The following ZNF236 variants were observed in gnomAD, a reference collection of about 807,000 sequenced individuals.
ZNF236 encodes zinc finger protein 236.
A neutral mutation model predicts 191.2 loss-of-function variants in ZNF236; 50 were observed. The ratio of observed to expected loss-of-function variants is 0.26; its 90% CI spans 0.21 to 0.33. The LOEUF is 0.33. ZNF236 is among the 10% of genes least tolerant of loss of function. ZNF236 has a pLI of 1.00. For missense variants in ZNF236, 1,754 were observed against 2,374.5 expected, an observed-to-expected ratio of 0.74 and a Z score of 5.43; for synonymous variants, 907 against 928.8, an observed-to-expected ratio of 0.98 and a Z score of 0.43.
At chr18:76,825,441 G>A (rs1173343714) in intron 1 of ZNF236, among the ~76,000 whole-genome samples, 3 of 151,942 alleles carry the variant, frequency 2.0e-5, no homozygotes, top group African/African-American at 4.9e-5. Context: ...ATCTTAGCAC[G>A]AATCTAGGTG....
At chr18:76,924,070 T>G (rs1476448984) in intron 21 of ZNF236, among the ~76,000 whole-genome samples, 2 of 152,234 alleles carry the variant, frequency 1.3e-5, no homozygotes, top group East Asian at 3.9e-4. Flanking sequence ...GATTCTTTTC[T>G]GATGGGTTAA....
chr18:76,854,328 A>C (rs1432229014), intron 3 of ZNF236, among the ~76,000 whole-genome samples: 1 of 152,218 alleles, frequency 6.6e-6, no homozygotes, highest in Admixed American at 6.5e-5. Context: ...TTTAAATACA[A>C]AAATAGGATT....
intron 1 of ZNF236, 107 bp from the exon 2 acceptor site, chr18:76,849,419 A>T: frequency 1.1e-6 from 1 of 876,684 alleles, no homozygotes; most frequent in Admixed American, 3.2e-5. Flanking sequence ...ATGTCACATA[A>T]ATCTCTGACA....
chr18:76,963,630 A>G (rs1450831441), intron 30 of ZNF236, among the ~76,000 whole-genome samples: 2 of 152,122 alleles, frequency 1.3e-5, no homozygotes, highest in East Asian at 1.9e-4. Flanking sequence ...GTCTTGTGGA[A>G]TAGTGTCAAA....
At chr18:76,913,567 A>G (rs1211273608) in intron 17 of ZNF236, among the ~76,000 whole-genome samples, 180 bp from the exon 18 acceptor site, 1 of 152,218 alleles carries the variant, frequency 6.6e-6, no homozygotes, top group African/African-American at 2.4e-5. Flanking sequence ...ATTGTTGGCA[A>G]TATTTTATAC....
chr18:76,908,864 A>C (rs1967132040), intron 14 of ZNF236, among the ~76,000 whole-genome samples: 1 of 152,158 alleles, frequency 6.6e-6, no homozygotes, highest in Admixed American at 6.5e-5. Flanking sequence ...AGTAGTTGAA[A>C]TTTTAGGACT....
At chr18:76,843,387 G>A (rs2122470499) in intron 1 of ZNF236, among the ~76,000 whole-genome samples, 1 of 152,282 alleles carries the variant, frequency 6.6e-6, no homozygotes, top group East Asian at 1.9e-4. Flanking sequence ...AGACACTTCA[G>A]AGTTTCACCT....
intron 10 of ZNF236, 105 bp downstream of exon 10, chr18:76,895,390 T>G: frequency 6.9e-7 from 1 of 1,453,056 alleles, no homozygotes; most frequent in Non-Finnish European, 9.3e-7. Context: ...GGCACACAGG[T>G]ACTGCACACA....
At chr18:76,892,088 A>G (rs1454855350) in intron 9 of ZNF236, among the ~76,000 whole-genome samples, 1 of 150,526 alleles carries the variant, frequency 6.6e-6, no homozygotes, top group Admixed American at 6.6e-5. Flanking sequence ...TGTAACTTAC[A>G]GTCTTTGTCC....
chr18:76,941,485 G>T (rs554666440), intron 26 of ZNF236, among the ~76,000 whole-genome samples: 1 of 152,088 alleles, frequency 6.6e-6, no homozygotes, highest in Non-Finnish European at 1.5e-5. Context: ...CGTTTGCCAC[G>T]CCCTCTCCCT....
chr18:76,842,532 A>C (rs1213972709), intron 1 of ZNF236, among the ~76,000 whole-genome samples: 2 of 151,562 alleles, frequency 1.3e-5, no homozygotes, highest in Non-Finnish European at 2.9e-5. Context: ...TGGGCAGCTC[A>C]GCTGAGGTAG....
chr18:76,862,229 C>T (rs376632232), intron 3 of ZNF236, among the ~76,000 whole-genome samples: 1 of 152,180 alleles, frequency 6.6e-6, no homozygotes, highest in African/African-American at 2.4e-5. Context: ...CTTCTGCCAA[C>T]AAGCGGAGAA....
chr18:76,905,371 A>G lies in ZNF236; in HGVS notation c.2253A>G (p.Thr751=), dbSNP rs755998920. 2.5e-6 allele frequency: 4 copies of G among 1,614,202 alleles called. No individual in the cohort carries two copies. The Admixed American group carries it at 5.0e-5, about 20-fold the overall frequency. ...RPYMCPYCQK[T]FKTSLNCKKH... ...ATATGTGTCCCTATTGCCAAAAAAC[A>G]TTTAAGACTTCACTAAATTGCAAAA... is the stretch of plus-strand genomic sequence containing the variant. Residue 751 remains threonine (T), a synonymous_variant, in exon 13 of 31, where the codon ACA becomes ACG. Coordinates refer to ENST00000320610, the MANE Select transcript of ZNF236 (RefSeq NM_001306089.2).
intron 19 of ZNF236, among the ~76,000 whole-genome samples, chr18:76,917,105 T>C (rs1030412353): frequency 3.9e-4 from 59 of 152,382 alleles, no homozygotes; most frequent in Admixed American, 4.6e-4. Context: ...CTCATTTCTT[T>C]AGTAGATAAT....
chr18:76,831,814 T>C (rs1975174977), intron 1 of ZNF236, among the ~76,000 whole-genome samples: 3 of 152,210 alleles, frequency 2.0e-5, no homozygotes, highest in Non-Finnish European at 2.9e-5. Flanking sequence ...TTGAGCATCT[T>C]CTCATAGGCT....
chr18:76,934,990 G>C (rs1967956216), intron 25 of ZNF236, among the ~76,000 whole-genome samples: 1 of 152,204 alleles, frequency 6.6e-6, no homozygotes, highest in Admixed American at 6.5e-5. Flanking sequence ...AGTCAGACTT[G>C]TATTGCTCTA....
At position 76,969,069 on chromosome 18, in the gene ZNF236, G is replaced by T; in HGVS notation, c.*730G>T. On this transcript the variant is annotated 3_prime_UTR_variant, in exon 31 of 31. Transcript: ENST00000320610. Reference sequence around the variant, plus strand: ...CACTTACCGCATCAATCTGTGTTCAGGTCCAGGGTTACATAATTGCAGAAG... The same window carrying T: ...CACTTACCGCATCAATCTGTGTTCATGTCCAGGGTTACATAATTGCAGAAG... 1.3e-6 allele frequency: 1 copy of T among 786,490 alleles called. No individual in the cohort carries two copies. Among genetic ancestry groups the T allele is most frequent in the Non-Finnish European group, 1.5e-6 (1 of 647,722 alleles). The allele number at this position is 786,490 out of a possible 1,614,324, so 48.7% of individuals were successfully genotyped here.
chr18:76,912,096 T>A, intron 16 of ZNF236, 148 bp from the exon 17 acceptor site: 1 of 604,916 alleles, frequency 1.7e-6, no homozygotes, highest in Non-Finnish European at 2.9e-6. Flanking sequence ...TGCTCTGGCC[T>A]AAATGATTAC....
chr18:76,911,390 A>G (rs546481155), intron 16 of ZNF236, among the ~76,000 whole-genome samples: 1 of 152,234 alleles, frequency 6.6e-6, no homozygotes, highest in East Asian at 1.9e-4. Context: ...TCCCGTGAAA[A>G]TTTCAGAACA....
Sources: allele counts gnomAD v4.1 joint callset (sites outside exome capture counted in the v4.1 genomes callset), GRCh38; gene constraint gnomAD v4.1.1; transcripts MANE v1.5; gene names NCBI Gene and HGNC (gene_info 2026-07-23, HGNC 2026-07-21).